EXOC6B: variants seen among roughly 807,000 people sequenced by gnomAD.
The protein encoded by EXOC6B is SEC15 homolog B.
Under a neutral mutation model 113.5 loss-of-function variants are expected in EXOC6B, and 54 were observed. The observed-to-expected ratio is 0.48, with a 90% CI of 0.38 to 0.60. EXOC6B has a LOEUF of 0.60. Among genes scored for constraint, EXOC6B ranks in the 20% least tolerant of loss-of-function variants. The pLI is 0.00. For synonymous variants in EXOC6B, 357 were observed against 339.0 expected, an observed-to-expected ratio of 1.05 and a Z score of -0.58; for missense variants, 797 against 977.5, an observed-to-expected ratio of 0.82 and a Z score of 2.46.
chr2:72,445,450 T>C (rs1696514787), intron 18 of EXOC6B, among the ~76,000 whole-genome samples: 2 of 152,174 alleles, frequency 1.3e-5, no homozygotes, highest in Non-Finnish European at 2.9e-5. Flanking sequence ...ACTCTACTGG[T>C]ACAAATTTAC....
At chr2:72,516,696 A>T (rs375496914) in intron 8 of EXOC6B, among the ~76,000 whole-genome samples, 16 of 152,322 alleles carry the variant, frequency 1.1e-4, no homozygotes, top group African/African-American at 3.1e-4. Context: ...AACTGCTATA[A>T]ATAGCACTAT....
chr2:72,474,999 G>A (rs1031637720), intron 17 of EXOC6B, among the ~76,000 whole-genome samples: 17 of 152,120 alleles, frequency 1.1e-4, no homozygotes, highest in East Asian at 1.9e-4. Context: ...AACTCTGTAC[G>A]ATTCCTTCAG....
At position 72,553,628 on chromosome 2, in the gene EXOC6B, C is replaced by T. The variant is rs1703367070; in HGVS notation, c.915+5825G>A. ...ATTTAGTATATGCCAGAGGTACTAC[C>T]AGAAATCACTAAGTGACATACAGAT... On this transcript the variant is annotated intron_variant, in intron 8 of 21. Coordinates refer to ENST00000272427, the MANE Select transcript of EXOC6B (RefSeq NM_015189.3). Among the ~76,000 whole-genome samples, 3 of 151,800 alleles carry T rather than the reference C, an allele frequency of 2.0e-5. No individual in the cohort carries two copies. The South Asian group carries it at 6.2e-4, about 32-fold the overall frequency.
intron 20 of EXOC6B, among the ~76,000 whole-genome samples, chr2:72,328,791 C>T (rs565864995): frequency 2.6e-4 from 39 of 152,144 alleles, no homozygotes; most frequent in African/African-American, 9.2e-4. Flanking sequence ...TCTCATCTGC[C>T]CTCCTCATAT....
intron 1 of EXOC6B, among the ~76,000 whole-genome samples, chr2:72,819,404 T>G (rs1308013518): frequency 6.6e-6 from 1 of 152,138 alleles, no homozygotes; most frequent in Non-Finnish European, 1.5e-5. Flanking sequence ...AAAATAAGCA[T>G]GAGCAATGGG....
At chr2:72,294,952 G>T (rs184438742) in intron 20 of EXOC6B, among the ~76,000 whole-genome samples, 14 of 152,002 alleles carry the variant, frequency 9.2e-5, no homozygotes, top group African/African-American at 3.4e-4. Context: ...AATTACTCTG[G>T]CTGGGTGGGG....
intron 6 of EXOC6B, among the ~76,000 whole-genome samples, chr2:72,671,918 A>G (rs1675907738): frequency 6.6e-6 from 1 of 151,948 alleles, no homozygotes; most frequent in Non-Finnish European, 1.5e-5. Flanking sequence ...AAAGAAAGAA[A>G]AGAAAGAAAG....
Position 72,392,216 on chromosome 2 carries a change from C to G in EXOC6B, c.1981-12346G>C, listed in dbSNP as rs938529184. On this transcript the variant is annotated intron_variant, in intron 18 of 21. Coordinates refer to ENST00000272427, the MANE Select transcript of EXOC6B (RefSeq NM_015189.3). Reference sequence around the variant, plus strand: ...TGGGCATGCATTCATCAGCTGGTAACCCTGAAGCAGTGGCTTACCCTTGGC... The same window carrying G: ...TGGGCATGCATTCATCAGCTGGTAAGCCTGAAGCAGTGGCTTACCCTTGGC... Among the ~76,000 whole-genome samples the G allele has an allele frequency of 6.6e-5, 10 of 152,130 alleles. 1 individual carries two copies. Among genetic ancestry groups the G allele is most frequent in the African/African-American group, 2.4e-4 (10 of 41,436 alleles).
At chr2:72,740,893 G>C (rs1017740158) in intron 2 of EXOC6B, among the ~76,000 whole-genome samples, 10 of 152,116 alleles carry the variant, frequency 6.6e-5, no homozygotes, top group African/African-American at 1.9e-4. Flanking sequence ...ACGAGGTCAG[G>C]AGATCGAGAC....
At chr2:72,290,041 C>T (rs1470664488) in intron 20 of EXOC6B, among the ~76,000 whole-genome samples, 1 of 152,166 alleles carries the variant, frequency 6.6e-6, no homozygotes, top group Non-Finnish European at 1.5e-5. Context: ...CCTTTGGACT[C>T]GAACCAAACC....
In EXOC6B at chr2:72,733,133, CA is replaced by C. The variant is rs1338382829; in HGVS notation, c.280-16del. 1 of 1,563,672 alleles carries C rather than the reference CA, an allele frequency of 6.4e-7. No individual in the cohort carries two copies. The highest frequency in any genetic ancestry group is 2.3e-5 in the East Asian group (1 of 44,098). On this transcript the variant is annotated splice_polypyrimidine_tract_variant and intron_variant, in intron 2 of 21. Transcript: ENST00000272427. ...GTCACTTGATTCTGTGGAGAGAAGA[CA>C]ATTTAAACTCATAAAAAACAAACAT...
chr2:72,180,725 C>CT (rs1299048377), intron 21 of EXOC6B, among the ~76,000 whole-genome samples: 2 of 152,116 alleles, frequency 1.3e-5, no homozygotes, highest in African/African-American at 4.8e-5. Context: ...GTGGGTGGCC[C>CT]TTTGCAGAGG....
At chr2:72,352,353 C>A (rs1263192203) in intron 19 of EXOC6B, among the ~76,000 whole-genome samples, 1 of 152,082 alleles carries the variant, frequency 6.6e-6, no homozygotes, top group Non-Finnish European at 1.5e-5. Context: ...CTTTAAAAAG[C>A]CTATACATTG....
At chr2:72,389,688 A>G (rs1179741449) in intron 18 of EXOC6B, among the ~76,000 whole-genome samples, 1 of 152,030 alleles carries the variant, frequency 6.6e-6, no homozygotes, top group Non-Finnish European at 1.5e-5. Context: ...TTCTTTCAGC[A>G]TTTTAATCGT....
intron 18 of EXOC6B, among the ~76,000 whole-genome samples, chr2:72,443,482 GA>G (rs1436993499): frequency 6.6e-6 from 1 of 152,194 alleles, no homozygotes; most frequent in East Asian, 1.9e-4. Flanking sequence ...ATGATGCTGG[GA>G]TAACTGGCTA....
intron 1 of EXOC6B, among the ~76,000 whole-genome samples, chr2:72,818,311 A>ATTT (rs1183950982): frequency 1.9e-4 from 22 of 117,834 alleles, no homozygotes; most frequent in Non-Finnish European, 2.9e-4. Context: ...GGCCCAGCTA[A>ATTT]TTTTTTTTTT....
chr2:72,364,055 C>T (rs1212293833), intron 19 of EXOC6B, among the ~76,000 whole-genome samples: 1 of 152,062 alleles, frequency 6.6e-6, no homozygotes, highest in Non-Finnish European at 1.5e-5. Flanking sequence ...CAAGGACTCA[C>T]AGACAAAAAG....
At chr2:72,342,789 CA>C (rs1689107285) in intron 19 of EXOC6B, among the ~76,000 whole-genome samples, 1 of 151,858 alleles carries the variant, frequency 6.6e-6, no homozygotes, top group South Asian at 2.1e-4. Flanking sequence ...ACAACAACAA[CA>C]AAAACCCAAA....
intron 19 of EXOC6B, among the ~76,000 whole-genome samples, chr2:72,356,379 T>C (rs1296603941): frequency 1.3e-5 from 2 of 152,054 alleles, no homozygotes; most frequent in Non-Finnish European, 2.9e-5. Flanking sequence ...GAAACCAACA[T>C]TATCCAGCCA....
Sources: gnomAD v4.1 joint callset for allele counts (sites outside exome capture counted in the v4.1 genomes callset) on GRCh38, gnomAD v4.1.1 for gene constraint, MANE v1.5 for transcripts, NCBI Gene and HGNC (gene_info 2026-07-23, HGNC 2026-07-21) for gene names.